The following LSAMP variants were observed in gnomAD, a reference collection of about 807,000 sequenced individuals.
LSAMP encodes the protein limbic system associated membrane protein.
A neutral mutation model predicts 38.6 loss-of-function variants in LSAMP; 7 were observed. That is an observed-to-expected ratio of 0.18 (90% CI 0.10 to 0.34). The LOEUF is 0.34. LSAMP is among the 10% of genes least tolerant of loss of function. The probability of loss-of-function intolerance (pLI) is 1.00; values close to 1 mark genes in which losing one functional copy is unlikely to be tolerated. For missense variants in LSAMP, 313 were observed against 420.0 expected, an observed-to-expected ratio of 0.75 and a Z score of 2.23; for synonymous variants, 154 against 166.8, an observed-to-expected ratio of 0.92 and a Z score of 0.59.
chr3:116,391,832 G>A (rs373851572), intron 1 of LSAMP, among the ~76,000 whole-genome samples: 7 of 152,100 alleles, frequency 4.6e-5, no homozygotes, highest in Admixed American at 1.3e-4. Context: ...TGATGGTGTC[G>A]GTTTCTTGCG....
chr3:116,321,563 G>A (rs923033834), intron 1 of LSAMP, among the ~76,000 whole-genome samples: 12 of 151,502 alleles, frequency 7.9e-5, no homozygotes, highest in African/African-American at 2.2e-4. Flanking sequence ...TTTTTTTTAC[G>A]GCTGGGGAAA....
At chr3:116,065,396 T>A (rs542664422) in intron 2 of LSAMP, among the ~76,000 whole-genome samples, 57 of 152,368 alleles carry the variant, frequency 3.7e-4, no homozygotes, top group African/African-American at 1.4e-3. Flanking sequence ...TTAGTTTTTA[T>A]ATTTGGTTGA....
At chr3:116,153,297 C>T (rs1559761905) in intron 1 of LSAMP, among the ~76,000 whole-genome samples, 1 of 152,108 alleles carries the variant, frequency 6.6e-6, no homozygotes, top group Non-Finnish European at 1.5e-5. Flanking sequence ...ATTTCTCAGA[C>T]TACACCTACG....
At chr3:116,268,617 C>A (rs1005529856) in intron 1 of LSAMP, among the ~76,000 whole-genome samples, 1 of 151,922 alleles carries the variant, frequency 6.6e-6, no homozygotes, top group Admixed American at 6.6e-5. Flanking sequence ...AGAGTCTCTC[C>A]CCCTTTGGTT....
chr3:116,274,200 G>GAACCAA (rs2047017256), intron 1 of LSAMP, among the ~76,000 whole-genome samples: 1 of 152,044 alleles, frequency 6.6e-6, no homozygotes, highest in Non-Finnish European at 1.5e-5. Flanking sequence ...GCTAGAATTT[G>GAACCAA]GCAAACATAT....
chr3:116,419,994 G>T (rs1449778377), intron 1 of LSAMP, among the ~76,000 whole-genome samples: 1 of 152,162 alleles, frequency 6.6e-6, no homozygotes, highest in Non-Finnish European at 1.5e-5. Context: ...CTTGTTGAAT[G>T]CTAAGGCAGA....
chr3:116,232,899 A>G (rs1254295248), intron 1 of LSAMP, among the ~76,000 whole-genome samples: 1 of 151,752 alleles, frequency 6.6e-6, no homozygotes, highest in East Asian at 1.9e-4. Context: ...TACCAGTTGC[A>G]AGAATTCTTT....
At chr3:116,130,721 G>A (rs1709106641) in intron 1 of LSAMP, among the ~76,000 whole-genome samples, 2 of 152,148 alleles carry the variant, frequency 1.3e-5, no homozygotes, top group East Asian at 3.9e-4. Context: ...ATAAAGTATA[G>A]AAAGTACAGT....
At chr3:116,377,018 T>G (rs983647127) in intron 1 of LSAMP, among the ~76,000 whole-genome samples, 2 of 152,090 alleles carry the variant, frequency 1.3e-5, no homozygotes, top group Non-Finnish European at 2.9e-5. Context: ...TTTTCTTCAG[T>G]CTACCAGTTC....
intron 1 of LSAMP, among the ~76,000 whole-genome samples, chr3:116,230,892 G>A (rs773849113): frequency 1.2e-4 from 19 of 152,108 alleles, no homozygotes; most frequent in Non-Finnish European, 2.8e-4. Context: ...GAAAAGGAGG[G>A]GTAAAGGAAG....
intron 1 of LSAMP, among the ~76,000 whole-genome samples, chr3:116,228,295 A>G (rs1484864802): frequency 6.6e-6 from 1 of 152,064 alleles, no homozygotes. Context: ...AGGATATGCC[A>G]AAGTAGAAAT....
At chr3:115,834,101 G>A (rs1382220144) in intron 6 of LSAMP, among the ~76,000 whole-genome samples, 1 of 151,810 alleles carries the variant, frequency 6.6e-6, no homozygotes, top group Non-Finnish European at 1.5e-5. Flanking sequence ...GTTATAATCC[G>A]GTTGAGTTGA....
intron 1 of LSAMP, among the ~76,000 whole-genome samples, chr3:116,422,598 G>T (rs150869306): frequency 6.6e-6 from 1 of 152,100 alleles, no homozygotes; most frequent in Non-Finnish European, 1.5e-5. Context: ...TACAAATGGG[G>T]ACTGACTAAA....
intron 1 of LSAMP, among the ~76,000 whole-genome samples, chr3:116,156,942 G>T (rs1446298845): frequency 6.6e-6 from 1 of 152,102 alleles, no homozygotes; most frequent in East Asian, 1.9e-4. Context: ...ATGCTTCCAA[G>T]ATGAGTTTAA....
intron 1 of LSAMP, among the ~76,000 whole-genome samples, chr3:116,409,401 G>A (rs902054345): frequency 2.0e-5 from 3 of 152,034 alleles, no homozygotes; most frequent in Middle Eastern, 3.2e-3. Flanking sequence ...GATGGGATCT[G>A]TAGTTTTCAC....
At chr3:116,369,595 A>C (rs375700292) in intron 1 of LSAMP, among the ~76,000 whole-genome samples, 28 of 152,310 alleles carry the variant, frequency 1.8e-4, no homozygotes, top group African/African-American at 6.7e-4. Flanking sequence ...GGGTCAACGG[A>C]GAAACAGGAA....
chr3:115,844,344 T>C (rs1041070988), intron 4 of LSAMP, among the ~76,000 whole-genome samples: 7 of 152,362 alleles, frequency 4.6e-5, no homozygotes, highest in Admixed American at 4.6e-4. Context: ...ATTTGAGGTC[T>C]GATTTTGACT....
intron 1 of LSAMP, among the ~76,000 whole-genome samples, chr3:116,256,630 T>C (rs1372685882): frequency 6.6e-6 from 1 of 151,972 alleles, no homozygotes; most frequent in Non-Finnish European, 1.5e-5. Flanking sequence ...GTTGAAAGCA[T>C]GCTCAAAATA....
chr3:115,919,512 G>A (rs527893338), intron 3 of LSAMP, among the ~76,000 whole-genome samples: 5 of 152,270 alleles, frequency 3.3e-5, no homozygotes, highest in Admixed American at 6.5e-5. Context: ...AACGTGGTGT[G>A]TATGTATAAA....
Sources: allele counts gnomAD v4.1 joint callset (sites outside exome capture counted in the v4.1 genomes callset), GRCh38; gene constraint gnomAD v4.1.1; transcripts MANE v1.5; gene names NCBI Gene and HGNC (gene_info 2026-07-23, HGNC 2026-07-21).